Variants in CRADD observed in about 807,000 individuals in gnomAD.
The protein encoded by CRADD is CARD and death domain containing adaptor protein.
A neutral mutation model predicts 15.5 loss-of-function variants in CRADD; 9 were observed. The observed-to-expected ratio is 0.58, with a 90% confidence interval of 0.35 to 1.01. The LOEUF is 1.01. Ranked by LOEUF, CRADD falls within the 50% of genes least tolerant of loss-of-function variation. CRADD has a pLI of 0.02. For synonymous variants in CRADD, 118 were observed against 107.6 expected (o/e 1.10, Z -0.60); for missense variants, 227 against 250.3 (o/e 0.91, Z 0.63).
chr12:93,861,112 C>T (rs929396077), intron 2 of CRADD, among the ~76,000 whole-genome samples: 72 of 152,204 alleles, frequency 4.7e-4, no homozygotes, highest in African/African-American at 1.6e-3. Flanking sequence ...TCTAGAGTGC[C>T]GTTGTAAAGA....
chr12:93,835,211 T>G (rs530986252), intron 2 of CRADD, among the ~76,000 whole-genome samples: 18 of 152,230 alleles, frequency 1.2e-4, no homozygotes, highest in Non-Finnish European at 2.4e-4. Flanking sequence ...ACCTTTATAC[T>G]TCAATATCAT....
intron 2 of CRADD, among the ~76,000 whole-genome samples, chr12:93,768,829 T>C (rs1454817667): frequency 1.3e-5 from 2 of 152,186 alleles, no homozygotes; most frequent in African/African-American, 4.8e-5. Context: ...AAGCCTCCCA[T>C]GGCCTCCTCC....
chr12:93,890,492 A>G (rs1180228573), intron 2 of CRADD, among the ~76,000 whole-genome samples: 1 of 152,214 alleles, frequency 6.6e-6, no homozygotes, highest in Non-Finnish European at 1.5e-5. Context: ...GCTCAATAAG[A>G]CACGCTCCCG....
At chr12:93,841,169 G>C (rs375875206) in intron 2 of CRADD, among the ~76,000 whole-genome samples, 1 of 152,034 alleles carries the variant, frequency 6.6e-6, no homozygotes, top group South Asian at 2.1e-4. Context: ...TATTGCAAAC[G>C]TAGGATACAT....
At chr12:93,752,891 G>C (rs754007874) in intron 2 of CRADD, among the ~76,000 whole-genome samples, 2 of 152,192 alleles carry the variant, frequency 1.3e-5, no homozygotes, top group Non-Finnish European at 2.9e-5. Context: ...ACAGTCGAAG[G>C]TGAAAGGCAC....
At chr12:93,821,175 G>A (rs1957765357) in intron 2 of CRADD, among the ~76,000 whole-genome samples, 2 of 152,200 alleles carry the variant, frequency 1.3e-5, no homozygotes, top group Admixed American at 6.5e-5. Context: ...GAAGACATTG[G>A]ACCCTTCTTT....
chr12:93,840,852 A>G (rs1285553075), intron 2 of CRADD, among the ~76,000 whole-genome samples: 1 of 152,040 alleles, frequency 6.6e-6, no homozygotes, highest in African/African-American at 2.4e-5. Context: ...TCTTTATAGC[A>G]CTGGTCAGGA....
chr12:93,693,362 T>A (rs1955619598), intron 2 of CRADD, among the ~76,000 whole-genome samples: 2 of 152,078 alleles, frequency 1.3e-5, no homozygotes, highest in African/African-American at 2.4e-5. Context: ...ACTTCCTTTT[T>A]AAGAACACAT....
At chr12:93,765,321 GTAA>G (rs375025287) in intron 2 of CRADD, among the ~76,000 whole-genome samples, 15 of 152,044 alleles carry the variant, frequency 9.9e-5, no homozygotes, top group African/African-American at 2.2e-4. Context: ...CATATTAATA[GTAA>G]TAATAATAAT....
At chr12:93,778,723 GTTTTTTT>G (rs199532871) in intron 2 of CRADD, among the ~76,000 whole-genome samples, 1 of 130,430 alleles carries the variant, frequency 7.7e-6, no homozygotes, top group African/African-American at 2.8e-5. Context: ...TTTTTGGTTG[GTTTTTTT>G]TTTTTTTTGG....
At chr12:93,807,035 C>A (rs767551545) in intron 2 of CRADD, among the ~76,000 whole-genome samples, 3 of 152,142 alleles carry the variant, frequency 2.0e-5, no homozygotes, top group African/African-American at 7.2e-5. Context: ...AGGCTTCCCC[C>A]AACCAGTATT....
chr12:93,773,726 T>A (rs564104099), intron 2 of CRADD, among the ~76,000 whole-genome samples: 16 of 151,538 alleles, frequency 1.1e-4, no homozygotes, highest in Admixed American at 2.6e-4. Flanking sequence ...TGAACATGGA[T>A]TGTGCAGAAG....
chr12:93,811,358 G>T (rs1957624509), intron 2 of CRADD, among the ~76,000 whole-genome samples: 1 of 152,204 alleles, frequency 6.6e-6, no homozygotes, highest in Non-Finnish European at 1.5e-5. Flanking sequence ...AAGTTTCCAG[G>T]CTGTGTGATA....
chr12:93,700,704 A>G (rs1955824921), intron 2 of CRADD, among the ~76,000 whole-genome samples: 2 of 152,168 alleles, frequency 1.3e-5, no homozygotes, highest in Non-Finnish European at 2.9e-5. Flanking sequence ...TGCTTGGATT[A>G]CAGGTGTGAG....
intron 2 of CRADD, among the ~76,000 whole-genome samples, chr12:93,876,535 T>G (rs1958458623): frequency 6.6e-6 from 1 of 152,112 alleles, no homozygotes; most frequent in African/African-American, 2.4e-5. Flanking sequence ...CTCTTCTGAC[T>G]GTATTTTCAA....
chr12:93,836,617 A>T (rs1171083018), intron 2 of CRADD, among the ~76,000 whole-genome samples: 1 of 152,216 alleles, frequency 6.6e-6, no homozygotes, highest in Admixed American at 6.5e-5. Context: ...TATGCAATGT[A>T]ATTTCTCTGG....
chr12:93,782,179 C>T (rs1429109411), intron 2 of CRADD, among the ~76,000 whole-genome samples: 1 of 152,136 alleles, frequency 6.6e-6, no homozygotes, highest in African/African-American at 2.4e-5. Flanking sequence ...ATGATGAGTT[C>T]ATGTCCTTTG....
At chr12:93,733,195 A>T (rs1956499269) in intron 2 of CRADD, among the ~76,000 whole-genome samples, 1 of 152,180 alleles carries the variant, frequency 6.6e-6, no homozygotes, top group Non-Finnish European at 1.5e-5. Context: ...GGCTTTTAAT[A>T]TTTTTCCTCT....
intron 2 of CRADD, among the ~76,000 whole-genome samples, chr12:93,744,234 G>C (rs575666193): frequency 1.3e-5 from 2 of 152,330 alleles, no homozygotes; most frequent in South Asian, 2.1e-4. Context: ...TTCCAGGGGA[G>C]AATCCACTTC....
Sources: allele counts gnomAD v4.1 joint callset (sites outside exome capture counted in the v4.1 genomes callset), GRCh38; gene constraint gnomAD v4.1.1; transcripts MANE v1.5; gene names NCBI Gene and HGNC (gene_info 2026-07-23, HGNC 2026-07-21).